Variants in APPL1 observed in about 807,000 individuals in gnomAD.
APPL1 encodes the protein adaptor protein, phosphotyrosine interacting with PH domain and leucine zipper 1.
APPL1 carries 42 observed loss-of-function variants against 106.8 expected under a neutral mutation model. The observed-to-expected ratio is 0.39, with a 90% CI of 0.31 to 0.51. The LOEUF (loss-of-function observed/expected upper bound fraction) is 0.51. Among genes scored for constraint, APPL1 ranks in the 20% least tolerant of loss-of-function variants. The pLI is 0.75. For missense variants in APPL1, 769 were observed against 858.2 expected, an observed-to-expected ratio of 0.90 and a Z score of 1.30; for synonymous variants, 263 against 281.8, an observed-to-expected ratio of 0.93 and a Z score of 0.67.
At chr3:57,245,470 C>T (rs1412618732) in intron 7 of APPL1, among the ~76,000 whole-genome samples, 2 of 151,892 alleles carry the variant, frequency 1.3e-5, no homozygotes, top group African/African-American at 2.4e-5. Context: ...TCCTCCTTGT[C>T]GTAAGCTTTC....
intron 1 of APPL1, among the ~76,000 whole-genome samples, chr3:57,234,021 C>T (rs1263629595): frequency 6.6e-6 from 1 of 152,092 alleles, no homozygotes; most frequent in Non-Finnish European, 1.5e-5. Context: ...GAGGTCAAGG[C>T]TGCAGTGAGC....
rs2060947187 is a variant in APPL1 at position 57,272,258 on chromosome 3, C to T, written c.*2571C>T. 1 of 152,166 alleles carries T rather than the reference C, an allele frequency of 6.6e-6. No homozygotes were observed. The highest frequency in any genetic ancestry group is 6.5e-5 in the Admixed American group (1 of 15,278). The allele number at this position is 152,166 out of a possible 1,614,324, so 9.4% of individuals were successfully genotyped here. A position where few individuals can be genotyped will look rare whatever the true frequency, so the allele number is the denominator to read the frequency against. On this transcript the variant is annotated 3_prime_UTR_variant, in exon 22 of 22. Transcript: ENST00000288266. ...ATAGGAAACCAGTTATTCCTTCTACCTTTAAAAATTTTGAGAACTTGCCAA... is the reference window on the plus strand; with the variant it reads ...ATAGGAAACCAGTTATTCCTTCTACTTTTAAAAATTTTGAGAACTTGCCAA...
chr3:57,255,883 T>C (rs532950110), intron 13 of APPL1, among the ~76,000 whole-genome samples: 17 of 152,350 alleles, frequency 1.1e-4, no homozygotes, highest in Admixed American at 2.6e-4. Flanking sequence ...TACAGTCTTT[T>C]ACTACCAATT....
Position 57,227,949 on chromosome 3 carries a change from G to C in APPL1, c.54+12G>C. On this transcript the variant is annotated intron_variant, in intron 1 of 21. Transcript: ENST00000288266. ...AGGACAGCCCGCAGGTGAGGCGCGGGAGCTGGTGGGCGACGAGGGAGAGCC... is the reference window on the plus strand; with the variant it reads ...AGGACAGCCCGCAGGTGAGGCGCGGCAGCTGGTGGGCGACGAGGGAGAGCC... 1.4e-6 allele frequency: 2 copies of C among 1,430,384 alleles called. No homozygotes were observed. Among genetic ancestry groups the C allele is most frequent in the Non-Finnish European group, 1.8e-6 (2 of 1,082,936 alleles). The allele number at this position is 1,430,384 out of a possible 1,614,324, so 88.6% of individuals were successfully genotyped here.
rs373526618 is a variant in APPL1, at chr3:57,262,385, C to CTTTTTTTTT, written c.1842+1628_1842+1636dup. On this transcript the variant is annotated intron_variant, in intron 19 of 21. Coordinates refer to ENST00000288266, the MANE Select transcript of APPL1 (RefSeq NM_012096.3). ...GTTTTTTTTTTCTATGGAAAATAAC[C>CTTTTTTTTT]TTTTTTTTTTTTTTTTTTTTTTTTT... Among the ~76,000 whole-genome samples, 234 of 29,066 alleles carry CTTTTTTTTT rather than the reference C, an allele frequency of 8.1e-3. 78 individuals carry two copies. Among genetic ancestry groups the CTTTTTTTTT allele is most frequent in the Non-Finnish European group, 0.011 (181 of 16,092 alleles). The allele number at this position is 29,066 out of a possible 152,430, so 19.1% of individuals were successfully genotyped here.
chr3:57,269,656 A>G lies in APPL1; in HGVS notation c.2099A>G (p.Glu700Gly), dbSNP rs11544593. The G allele has an allele frequency of 0.16, 265,611 of 1,613,446 alleles. 24,677 individuals carry two copies. Among genetic ancestry groups the G allele is most frequent in the Non-Finnish European group, 0.19 (224,094 of 1,179,490 alleles). Residue 700 changes from glutamate (E) to glycine (G), a missense_variant, in exon 22 of 22, where the codon GAA becomes GGA. Coordinates refer to ENST00000288266, the MANE Select transcript of APPL1 (RefSeq NM_012096.3). Reference sequence around the variant, plus strand: ...CAGTCAGAAGAGAGTGATTTGGGAGAAGGAGGAAAGAAGAGAGAATCAGAA... The same window carrying G: ...CAGTCAGAAGAGAGTGATTTGGGAGGAGGAGGAAAGAAGAGAGAATCAGAA... ...SSQSEESDLG[E>G]GGKKRESEA
intron 19 of APPL1, among the ~76,000 whole-genome samples, chr3:57,262,385 CT>C (rs373526618): frequency 5.9e-4 from 17 of 29,054 alleles, no homozygotes; most frequent in South Asian, 4.4e-3. Flanking sequence ...GGAAAATAAC[CT>C]TTTTTTTTTT....
At chr3:57,240,027 G>T (rs192273464) in intron 4 of APPL1, among the ~76,000 whole-genome samples, 1 of 150,754 alleles carries the variant, frequency 6.6e-6, no homozygotes, top group African/African-American at 2.4e-5. Context: ...TCCTTTGCCC[G>T]TTTTTAAATT....
chr3:57,246,076 G>T lies in APPL1; in HGVS notation c.475G>T (p.Val159Leu), dbSNP rs1216869370. 2 of 1,564,388 alleles carry T rather than the reference G, an allele frequency of 1.3e-6. No individual in the cohort carries two copies. Among genetic ancestry groups the T allele is most frequent in the South Asian group, 1.2e-5 (1 of 82,220 alleles). ...ATTATTTAAATCTTTTCATTCAAAG[G>T]TGAAGTATGAAGTAACAGAAGATGT... is the stretch of plus-strand genomic sequence containing the variant. ...RLSKKRENDK[V>L]KYEVTEDVYT... is the part of the protein sequence containing the mutation. Residue 159 changes from valine to leucine, a missense_variant and splice_region_variant, in exon 8 of 22, where the codon GTG becomes TTG. Transcript: ENST00000288266.
At chr3:57,252,206 C>T (rs1167389940) in intron 11 of APPL1, 63 bp from the exon 12 acceptor site, 1 of 1,365,812 alleles carries the variant, frequency 7.3e-7, no homozygotes, top group African/African-American at 1.5e-5. Flanking sequence ...TAAAAAGTTA[C>T]CTCGGATTAT....
chr3:57,236,263 C>G (rs2060715856), intron 2 of APPL1, among the ~76,000 whole-genome samples: 1 of 151,352 alleles, frequency 6.6e-6, no homozygotes, highest in Admixed American at 6.6e-5. Flanking sequence ...AGGCTGGTCT[C>G]GAACTCCCGA....
intron 7 of APPL1, among the ~76,000 whole-genome samples, chr3:57,245,547 A>ATT (rs749542390): frequency 1.4e-5 from 2 of 143,774 alleles, no homozygotes; most frequent in Admixed American, 7.0e-5. Flanking sequence ...TTCAATATGC[A>ATT]GTTTTTTTTT....
In APPL1 at chr3:57,253,547, A is replaced by G. The variant is rs2060816674; in HGVS notation, c.1096-135A>G. 6.8e-6 allele frequency: 4 copies of G among 589,710 alleles called. No individual in the cohort carries two copies. The South Asian group carries it at 1.3e-4, about 20-fold the overall frequency. 36.5% of individuals were successfully genotyped at this position (589,710 alleles called of 1,614,324 possible). On this transcript the variant is annotated intron_variant, in intron 12 of 21. Coordinates refer to ENST00000288266, the MANE Select transcript of APPL1 (RefSeq NM_012096.3). ...TACTTCTAATGAAACATCTGTTATG[A>G]AATGTTTTCTTATAAGGAAGATAAA...
intron 4 of APPL1, among the ~76,000 whole-genome samples, chr3:57,239,655 A>C (rs1006336736): frequency 2.6e-5 from 4 of 152,158 alleles, no homozygotes; most frequent in Non-Finnish European, 2.9e-5. Context: ...GTTTTGAACA[A>C]CAGTTTTCAG....
intron 2 of APPL1, 24 bp downstream of exon 2, chr3:57,235,688 A>T: frequency 1.3e-6 from 2 of 1,550,190 alleles, no homozygotes; most frequent in Non-Finnish European, 8.9e-7. Flanking sequence ...GACTAACTTG[A>T]TGCTTTTAAA....
intron 2 of APPL1, 105 bp from the exon 3 acceptor site, chr3:57,237,385 CAT>C: frequency 1.3e-6 from 1 of 793,852 alleles, no homozygotes; most frequent in East Asian, 3.0e-5. Context: ...TTTTAAAAAA[CAT>C]GTACAATATT....
intron 1 of APPL1, among the ~76,000 whole-genome samples, chr3:57,234,109 T>G (rs2060703265): frequency 6.6e-6 from 1 of 152,080 alleles, no homozygotes; most frequent in Admixed American, 6.6e-5. Context: ...CCACAACAGT[T>G]TCTAAGGCTG....
chr3:57,230,516 T>C (rs2107594368), intron 1 of APPL1, among the ~76,000 whole-genome samples: 1 of 152,344 alleles, frequency 6.6e-6, no homozygotes, highest in Middle Eastern at 3.4e-3. Flanking sequence ...TGCTTTTAAC[T>C]TAACATTATC....
chr3:57,255,788 A>C (rs141306499), intron 13 of APPL1, among the ~76,000 whole-genome samples: 2 of 152,196 alleles, frequency 1.3e-5, no homozygotes, highest in Non-Finnish European at 2.9e-5. Context: ...TGGGAACAAC[A>C]AAAAATACCA....
Sources: gnomAD v4.1 joint callset for allele counts (sites outside exome capture counted in the v4.1 genomes callset) on GRCh38, gnomAD v4.1.1 for gene constraint, MANE v1.5 for transcripts, NCBI Gene and HGNC (gene_info 2026-07-23, HGNC 2026-07-21) for gene names.